The following TANC2 variants were observed in gnomAD, a reference collection of about 807,000 sequenced individuals.
The protein encoded by TANC2 is protein TANC2.
Under a neutral mutation model 210.5 loss-of-function variants are expected in TANC2, and 26 were observed. The ratio of observed to expected loss-of-function variants is 0.12; its 90% confidence interval spans 0.09 to 0.17. The LOEUF is 0.17. TANC2 is among the 10% of genes least tolerant of loss of function. The pLI, the probability that TANC2 is intolerant of heterozygous loss-of-function variation, is 1.00. For synonymous variants in TANC2, 931 were observed against 967.1 expected, an observed-to-expected ratio of 0.96 and a Z score of 0.69; for missense variants, 2,129 against 2,608.9, an observed-to-expected ratio of 0.82 and a Z score of 4.01.
At chr17:63,287,613 G>A (rs923127924) in intron 9 of TANC2, among the ~76,000 whole-genome samples, 12 of 151,934 alleles carry the variant, frequency 7.9e-5, no homozygotes, top group African/African-American at 2.9e-4. Context: ...ACAGCAGCAT[G>A]TATTCCAGGT....
intron 2 of TANC2, among the ~76,000 whole-genome samples, chr17:63,035,258 A>G (rs1264892222): frequency 1.3e-5 from 2 of 152,232 alleles, no homozygotes; most frequent in Non-Finnish European, 2.9e-5. Flanking sequence ...ATATTTTTAA[A>G]TGAAGTTATA....
At chr17:63,221,466 A>G (rs527907660) in intron 7 of TANC2, among the ~76,000 whole-genome samples, 2 of 151,646 alleles carry the variant, frequency 1.3e-5, no homozygotes, top group Non-Finnish European at 2.9e-5. Flanking sequence ...AAAAAGAAAG[A>G]AAATGAAAAG....
At chr17:63,050,893 G>A (rs2035559246) in intron 2 of TANC2, among the ~76,000 whole-genome samples, 1 of 152,208 alleles carries the variant, frequency 6.6e-6, no homozygotes. Flanking sequence ...AATGAGTACA[G>A]TCTTTGCAAT....
chr17:63,037,834 G>A (rs1256831064), intron 2 of TANC2, among the ~76,000 whole-genome samples: 2 of 151,880 alleles, frequency 1.3e-5, no homozygotes, highest in Admixed American at 6.6e-5. Flanking sequence ...TAAAACATAA[G>A]TATATGATTT....
At chr17:63,055,000 C>G (rs535694474) in intron 2 of TANC2, among the ~76,000 whole-genome samples, 2 of 152,300 alleles carry the variant, frequency 1.3e-5, no homozygotes, top group African/African-American at 4.8e-5. Flanking sequence ...GATCATTTAG[C>G]TGAGAACACT....
At chr17:63,206,642 C>G (rs2041720854) in intron 7 of TANC2, among the ~76,000 whole-genome samples, 1 of 151,994 alleles carries the variant, frequency 6.6e-6, no homozygotes. Flanking sequence ...AAATGGAATA[C>G]CAGAGTAGCT....
chr17:63,149,457 A>G (rs550766820), intron 4 of TANC2: 3 of 152,152 alleles, frequency 2.0e-5, no homozygotes, highest in Admixed American at 6.5e-5. Context: ...TTATTTAAAA[A>G]ATGTTTTTAA....
At position 63,267,955 on chromosome 17, in the gene TANC2, T is replaced by G. The variant is rs529863111; in HGVS notation, c.1159+82T>G. On this transcript the variant is annotated intron_variant, in intron 9 of 27. Coordinates refer to ENST00000689528, the Ensembl canonical transcript of TANC2. ...GCCAAAAAGTTGCTTTGTCTCCTATTCCCATACTTACTTAAACCTCCCTAA... is the reference window on the plus strand; with the variant it reads ...GCCAAAAAGTTGCTTTGTCTCCTATGCCCATACTTACTTAAACCTCCCTAA... 1.2e-5 allele frequency: 17 copies of G among 1,472,078 alleles called. No homozygotes were observed. The South Asian group carries it at 2.2e-4, about 19-fold the overall frequency. The allele number at this position is 1,472,078 out of a possible 1,614,324, so 91.2% of individuals were successfully genotyped here. A position where few individuals can be genotyped will look rare whatever the true frequency, so the allele number is the denominator to read the frequency against.
chr17:63,221,442 CAA>C (rs755699051), intron 7 of TANC2, among the ~76,000 whole-genome samples: 1,689 of 87,512 alleles, frequency 0.019, 29 homozygotes, highest in African/African-American at 0.066. Flanking sequence ...GACTCCATCT[CAA>C]AAAAAAAAAA....
chr17:63,138,428 G>A (rs539825887), intron 4 of TANC2, among the ~76,000 whole-genome samples: 42 of 152,284 alleles, frequency 2.8e-4, no homozygotes, highest in African/African-American at 9.1e-4. Flanking sequence ...TTGAGCTTGA[G>A]AAACTTCAGT....
chr17:63,254,965 A>G (rs1288135470), intron 8 of TANC2, among the ~76,000 whole-genome samples: 1 of 152,018 alleles, frequency 6.6e-6, no homozygotes, highest in Admixed American at 6.6e-5. Context: ...ATTTGGTTTT[A>G]GAATCAGTGT....
At chr17:62,993,468 C>T (rs1423130354) in intron 1 of TANC2, among the ~76,000 whole-genome samples, 1 of 152,156 alleles carries the variant, frequency 6.6e-6, no homozygotes, top group Non-Finnish European at 1.5e-5. Flanking sequence ...GGATGTCTTT[C>T]CATTTAATTA....
chr17:63,061,012 T>C (rs2035978022), intron 2 of TANC2, among the ~76,000 whole-genome samples: 1 of 151,998 alleles, frequency 6.6e-6, no homozygotes, highest in Non-Finnish European at 1.5e-5. Flanking sequence ...CCCAGGAGTT[T>C]GAGACCAGGG....
intron 2 of TANC2, among the ~76,000 whole-genome samples, chr17:63,061,467 A>G (rs1214196855): frequency 1.3e-5 from 2 of 152,202 alleles, no homozygotes; most frequent in Admixed American, 6.5e-5. Flanking sequence ...ATTTTAGTAG[A>G]ATTTAGTGCA....
At chr17:63,045,538 A>C (rs1472815463) in intron 2 of TANC2, among the ~76,000 whole-genome samples, 2 of 152,100 alleles carry the variant, frequency 1.3e-5, no homozygotes, top group Admixed American at 6.6e-5. Flanking sequence ...TTTGTTTTTC[A>C]CTTCGATATT....
chr17:63,405,331 A>G (rs2048469081), intron 20 of TANC2, 76 bp downstream of exon 20: 6 of 1,424,548 alleles, frequency 4.2e-6, no homozygotes, highest in African/African-American at 1.4e-5. Context: ...ACAGAGCAAA[A>G]TGATCACAAG....
chr17:63,294,314 A>G (rs2044469580), intron 9 of TANC2, among the ~76,000 whole-genome samples: 1 of 152,114 alleles, frequency 6.6e-6, no homozygotes, highest in Non-Finnish European at 1.5e-5. Context: ...TGTCTCTACA[A>G]AGAAATACAA....
At chr17:63,364,315 C>T (rs2047049051) in intron 14 of TANC2, among the ~76,000 whole-genome samples, 1 of 152,188 alleles carries the variant, frequency 6.6e-6, no homozygotes, top group African/African-American at 2.4e-5. Context: ...CCATCTTTCA[C>T]CCTGTCAGAC....
At chr17:63,182,472 T>A (rs1484969742) in intron 5 of TANC2, 2 of 276,278 alleles carry the variant, frequency 7.2e-6, no homozygotes, top group African/African-American at 4.5e-5. Context: ...AGATGATGCC[T>A]TCAGGGACAT....
Sources: gnomAD v4.1 joint callset for allele counts (sites outside exome capture counted in the v4.1 genomes callset) on GRCh38, gnomAD v4.1.1 for gene constraint, MANE v1.5 for transcripts, NCBI Gene and HGNC (gene_info 2026-07-23, HGNC 2026-07-21) for gene names.